The following SEMA3A variants were observed in gnomAD, a reference collection of about 807,000 sequenced individuals.
SEMA3A encodes semaphorin 3A.
In SEMA3A, 29 loss-of-function variants were observed where a neutral mutation model predicts 97.9. The ratio of observed to expected loss-of-function variants is 0.30; its 90% confidence interval spans 0.22 to 0.40. The LOEUF is 0.40. Among genes scored for constraint, SEMA3A ranks in the 10% least tolerant of loss-of-function variants. SEMA3A has a pLI of 1.00. For synonymous variants in SEMA3A, 321 were observed against 323.7 expected (o/e 0.99, Z 0.09); for missense variants, 763 against 951.3 (o/e 0.80, Z 2.60).
intron 1 of SEMA3A, among the ~76,000 whole-genome samples, chr7:84,150,287 G>C (rs1440154729): frequency 1.3e-5 from 2 of 152,188 alleles, no homozygotes; most frequent in South Asian, 4.1e-4. Context: ...CAGCGTGAGC[G>C]ACGCAGAAGA....
chr7:84,047,020 A>G (rs934782405), intron 5 of SEMA3A, among the ~76,000 whole-genome samples: 2 of 151,996 alleles, frequency 1.3e-5, no homozygotes, highest in African/African-American at 4.8e-5. Context: ...ATTTTTTAAT[A>G]TATCTAGTGG....
At position 84,181,645 on chromosome 7, in the gene SEMA3A, A is replaced by C. The variant is rs530851637; in HGVS notation, c.112+12830T>G. On this transcript the variant is annotated intron_variant, in intron 1 of 16. Coordinates refer to ENST00000265362, the MANE Select transcript of SEMA3A (RefSeq NM_006080.3). Reference sequence around the variant, plus strand: ...TACATTTATTGGACTTTACTAAGAAAACACTAGTAGTTTTACAAATTCATC... The same window carrying C: ...TACATTTATTGGACTTTACTAAGAACACACTAGTAGTTTTACAAATTCATC... Among the ~76,000 whole-genome samples, 48 of 152,282 alleles carry C rather than the reference A, an allele frequency of 3.2e-4. 1 individual carries two copies. Among genetic ancestry groups the C allele is most frequent in the African/African-American group, 1.1e-3 (47 of 41,580 alleles).
chr7:83,961,696 G>T lies in SEMA3A; in HGVS notation c.1991C>A (p.Thr664Asn). The T allele has an allele frequency of 2.5e-6, 4 of 1,613,604 alleles. No individual in the cohort carries two copies. Among genetic ancestry groups the T allele is most frequent in the Non-Finnish European group, 2.5e-6 (3 of 1,179,826 alleles). Residue 664 changes from threonine to asparagine, a missense_variant, in exon 17 of 17, where the codon ACC (threonine) becomes AAC (asparagine). Transcript: ENST00000265362. ...ATGCTCTGTGTCAATGACTTCCAGG[G>T]TTACCTTAAGAAGAGTTTGTATGAA... ...HGFIQTLLKV[T>N]LEVIDTEHLE...
chr7:84,048,877 C>T (rs67198305), intron 5 of SEMA3A, among the ~76,000 whole-genome samples: 28,119 of 151,816 alleles, frequency 0.19, 3,218 homozygotes, highest in East Asian at 0.57. Flanking sequence ...CAAGAGGCAG[C>T]TGAAATAGTA....
intron 1 of SEMA3A, among the ~76,000 whole-genome samples, chr7:84,439,798 A>C (rs1805225212): frequency 6.6e-6 from 1 of 152,214 alleles, no homozygotes; most frequent in Admixed American, 6.5e-5. Flanking sequence ...TTCTAAGAAT[A>C]ATAAAATAGA....
chr7:84,429,957 C>T (rs575294983), intron 1 of SEMA3A, among the ~76,000 whole-genome samples: 17 of 151,894 alleles, frequency 1.1e-4, no homozygotes, highest in Non-Finnish European at 1.5e-4. Flanking sequence ...GAGCTTTACG[C>T]TGTTGCAAAA....
chr7:84,351,405 A>T (rs138878530), intron 2 of SEMA3A, among the ~76,000 whole-genome samples: 46 of 152,226 alleles, frequency 3.0e-4, no homozygotes, highest in Non-Finnish European at 5.3e-4. Context: ...TTAACTCATC[A>T]TGATAACTTT....
intron 14 of SEMA3A, among the ~76,000 whole-genome samples, chr7:83,980,935 T>TAAGA (rs1789390264): frequency 6.6e-6 from 1 of 152,114 alleles, no homozygotes; most frequent in South Asian, 2.1e-4. Context: ...GTGTACTACC[T>TAAGA]AAGACTCTAA....
At chr7:84,146,784 C>T in intron 1 of SEMA3A, among the ~76,000 whole-genome samples, 1 of 152,168 alleles carries the variant, frequency 6.6e-6, no homozygotes, top group Non-Finnish European at 1.5e-5. Flanking sequence ...GAGTGATGGG[C>T]TAGTAATCTA....
rs566026540 is a variant in SEMA3A at position 84,450,999 on chromosome 7, GC to G, written c.-246+41460del. Among the ~76,000 whole-genome samples, 284 of 152,180 alleles carry G rather than the reference GC, an allele frequency of 1.9e-3. 1 individual carries two copies. The highest frequency in any genetic ancestry group is 6.6e-3 in the African/African-American group (276 of 41,536). The stretch of plus-strand genomic sequence containing the variant: ...TAATTGTTTGCTTTGCTTTGTAGAA[GC>G]TTTTTAATTTGATGTAATTCCAAGT... On this transcript the variant is annotated intron_variant, in intron 1 of 3. Coordinates refer to the SEMA3A transcript ENST00000424555.
At chr7:84,463,008 A>G (rs541808666) in intron 1 of SEMA3A, among the ~76,000 whole-genome samples, 2 of 152,060 alleles carry the variant, frequency 1.3e-5, no homozygotes, top group Admixed American at 1.3e-4. Context: ...AATTTCTTCC[A>G]TCTTAATAAA....
At chr7:84,054,963 A>T (rs545808601) in intron 5 of SEMA3A, among the ~76,000 whole-genome samples, 5 of 151,692 alleles carry the variant, frequency 3.3e-5, no homozygotes, top group African/African-American at 7.3e-5. Flanking sequence ...GTACCCTGCC[A>T]TGTGAGGTGT....
At chr7:84,248,396 C>T (rs1444369338) in intron 3 of SEMA3A, among the ~76,000 whole-genome samples, 10 of 152,140 alleles carry the variant, frequency 6.6e-5, no homozygotes, top group Non-Finnish European at 1.5e-5. Flanking sequence ...GTGCTATATG[C>T]CCGGCATGCA....
intron 1 of SEMA3A, among the ~76,000 whole-genome samples, chr7:84,490,865 C>G (rs1806706672): frequency 6.6e-6 from 1 of 152,122 alleles, no homozygotes; most frequent in African/African-American, 2.4e-5. Context: ...GAACTGTACT[C>G]TATGGCATTC....
intron 3 of SEMA3A, among the ~76,000 whole-genome samples, chr7:84,202,261 T>G (rs143814498): frequency 4.0e-4 from 61 of 152,248 alleles, no homozygotes; most frequent in Non-Finnish European, 5.0e-4. Flanking sequence ...TGGGAGGAAA[T>G]GCATATGCTA....
chr7:84,000,659 C>T (rs564617782), intron 12 of SEMA3A, among the ~76,000 whole-genome samples: 3 of 152,166 alleles, frequency 2.0e-5, no homozygotes, highest in African/African-American at 7.2e-5. Flanking sequence ...ATGGATTTGT[C>T]ATGTAGCTAT....
chr7:84,147,591 T>C (rs1262172138), intron 1 of SEMA3A, among the ~76,000 whole-genome samples: 3 of 152,200 alleles, frequency 2.0e-5, no homozygotes, highest in Non-Finnish European at 4.4e-5. Context: ...CAGGCTTGTG[T>C]GGCTGGCGGC....
chr7:84,437,527 A>C (rs1805166557), intron 1 of SEMA3A, among the ~76,000 whole-genome samples: 1 of 150,602 alleles, frequency 6.6e-6, no homozygotes, highest in Non-Finnish European at 1.5e-5. Flanking sequence ...TTTAAAACAT[A>C]ATCTCATGCC....
intron 12 of SEMA3A, among the ~76,000 whole-genome samples, chr7:83,996,702 CT>C (rs781625461): frequency 6.2e-5 from 5 of 81,032 alleles, no homozygotes; most frequent in Non-Finnish European, 1.9e-4. Context: ...TTGACTTTAA[CT>C]AACGTGTTGA....
Sources: allele counts gnomAD v4.1 joint callset (sites outside exome capture counted in the v4.1 genomes callset), GRCh38; gene constraint gnomAD v4.1.1; transcripts MANE v1.5; gene names NCBI Gene and HGNC (gene_info 2026-07-23, HGNC 2026-07-21).